CERKL: variants seen among roughly 807,000 people sequenced by gnomAD.
CERKL encodes the protein ceramide kinase-like protein.
CERKL carries 61 observed loss-of-function variants against 63.4 expected under a neutral mutation model. That is an observed-to-expected ratio of 0.96 (90% CI 0.78 to 1.19). CERKL has a LOEUF of 1.19. Ranked by LOEUF, CERKL falls within the 50% of genes most tolerant of loss-of-function variation. The probability of loss-of-function intolerance (pLI) is 0.00; values close to 1 mark genes in which losing one functional copy is unlikely to be tolerated. For missense variants in CERKL, 675 were observed against 655.5 expected (o/e 1.03, Z -0.33); for synonymous variants, 250 against 230.5 (o/e 1.08, Z -0.77).
At chr2:181,634,102 C>T (rs1161385056) in intron 1 of CERKL, among the ~76,000 whole-genome samples, 1 of 152,060 alleles carries the variant, frequency 6.6e-6, no homozygotes, top group East Asian at 1.9e-4. Context: ...AAAATAACAT[C>T]CATAGACAGC....
At chr2:181,587,048 A>T (rs978303106) in intron 2 of CERKL, among the ~76,000 whole-genome samples, 16 of 152,196 alleles carry the variant, frequency 1.1e-4, no homozygotes, top group African/African-American at 2.9e-4. Context: ...TTAATGTGTA[A>T]CAGTGATGGT....
chr2:181,572,126 C>G (rs373878510), intron 3 of CERKL, among the ~76,000 whole-genome samples: 3 of 152,080 alleles, frequency 2.0e-5, no homozygotes, highest in Admixed American at 6.6e-5. Context: ...CTCCGCCCCC[C>G]CTCCCAACTT....
chr2:181,551,034 G>C lies in CERKL; in HGVS notation c.821-1326C>G, dbSNP rs187393549. On this transcript the variant is annotated intron_variant, in intron 5 of 12. Coordinates refer to ENST00000410087, the MANE Select transcript of CERKL (RefSeq NM_201548.5). ...CTCATGAGTTGAGAAACAATGTCTTGTTCCTCAAGAAGACAATAATACCCA... is the reference window on the plus strand; with the variant it reads ...CTCATGAGTTGAGAAACAATGTCTTCTTCCTCAAGAAGACAATAATACCCA... Among the ~76,000 whole-genome samples, 6 of 152,176 alleles carry C rather than the reference G, an allele frequency of 3.9e-5. No individual in the cohort carries two copies. In the East Asian group the frequency reaches 9.6e-4, roughly 24 times the overall value.
At chr2:181,577,946 A>G (rs1293784510) in intron 2 of CERKL, among the ~76,000 whole-genome samples, 1 of 152,134 alleles carries the variant, frequency 6.6e-6, no homozygotes, top group Non-Finnish European at 1.5e-5. Context: ...CTGGAATCTG[A>G]ACCTACATCT....
chr2:181,589,658 A>G (rs933717267), intron 2 of CERKL, among the ~76,000 whole-genome samples: 7 of 152,206 alleles, frequency 4.6e-5, no homozygotes, highest in African/African-American at 1.7e-4. Flanking sequence ...TACCATACAA[A>G]AAATAAACTC....
rs1688194521 is a variant in CERKL, at chr2:181,656,890, C to T, written c.117G>A (p.Thr39=). ...PPALLTSPQQ[T]EAAAERILLR... ...GCAGAATCCGCTCGGCCGCCGCCTCCGTCTGCTGCGGGGACGTTAACAGCG... is the reference window on the plus strand; with the variant it reads ...GCAGAATCCGCTCGGCCGCCGCCTCTGTCTGCTGCGGGGACGTTAACAGCG... Residue 39 remains threonine (T), a synonymous_variant, in exon 1 of 13, where the codon ACG becomes ACA. Transcript: ENST00000410087. 5 of 1,605,360 alleles carry T rather than the reference C, an allele frequency of 3.1e-6. No homozygotes were observed. Among genetic ancestry groups the T allele is most frequent in the Non-Finnish European group, 4.3e-6 (5 of 1,175,176 alleles).
intron 2 of CERKL, among the ~76,000 whole-genome samples, chr2:181,578,221 TAC>T (rs935590203): frequency 2.6e-5 from 4 of 151,472 alleles, no homozygotes; most frequent in African/African-American, 4.9e-5. Flanking sequence ...CACATATATA[TAC>T]ACACACACAT....
At chr2:181,603,694 C>A in intron 2 of CERKL, 143 bp downstream of exon 2, 1 of 866,510 alleles carries the variant, frequency 1.2e-6, no homozygotes, top group Non-Finnish European at 2.0e-6. Context: ...TAGCAAATTT[C>A]AACACTTTCT....
In CERKL at chr2:181,537,720, G is replaced by T; in HGVS notation, c.*464C>A. 2.3e-6 allele frequency: 1 copy of T among 426,918 alleles called. No individual in the cohort carries two copies. Among genetic ancestry groups the T allele is most frequent in the Admixed American group, 2.6e-5 (1 of 37,990 alleles). 26.4% of individuals were successfully genotyped at this position (426,918 alleles called of 1,614,324 possible). A position where few individuals can be genotyped will look rare whatever the true frequency, so the allele number is the denominator to read the frequency against. On this transcript the variant is annotated 3_prime_UTR_variant, in exon 13 of 13. Transcript: ENST00000410087. ...TATGATGGTTGCAAAGTTTTTTTGT[G>T]TGTCCAATAAACACATTGTAAAAAA...
chr2:181,578,952 G>T, intron 2 of CERKL, among the ~76,000 whole-genome samples: 1 of 151,908 alleles, frequency 6.6e-6, no homozygotes, highest in East Asian at 1.9e-4. Context: ...CAAAGAGTAC[G>T]TACTCTTAAG....
intron 2 of CERKL, among the ~76,000 whole-genome samples, chr2:181,584,282 T>C (rs184758717): frequency 6.6e-6 from 1 of 151,538 alleles, no homozygotes; most frequent in East Asian, 1.9e-4. Flanking sequence ...GAGGCTGAGG[T>C]AGGAGGAATG....
intron 1 of CERKL, among the ~76,000 whole-genome samples, chr2:181,628,145 T>C (rs1376037956): frequency 6.6e-6 from 1 of 152,186 alleles, no homozygotes; most frequent in African/African-American, 2.4e-5. Flanking sequence ...ATTTAGACCA[T>C]GACCACTGAC....
At chr2:181,562,246 C>T (rs1284953752) in intron 4 of CERKL, among the ~76,000 whole-genome samples, 1 of 152,178 alleles carries the variant, frequency 6.6e-6, no homozygotes, top group East Asian at 1.9e-4. Context: ...CTCCCCTTCC[C>T]ACCAGCTCCA....
At chr2:181,646,957 C>T (rs1460111252) in intron 1 of CERKL, among the ~76,000 whole-genome samples, 1 of 152,038 alleles carries the variant, frequency 6.6e-6, no homozygotes, top group Non-Finnish European at 1.5e-5. Context: ...AAATAAAAAG[C>T]AAGGTAGCAG....
Position 181,537,060 on chromosome 2 carries a change from A to ACAAAACCTCCTGAAC in CERKL, c.*1109_*1123dup, listed in dbSNP as rs1304942504. The ACAAAACCTCCTGAAC allele has an allele frequency of 2.2e-6, 1 of 444,984 alleles. No homozygotes were observed. The highest frequency in any genetic ancestry group is 7.0e-5 in the East Asian group (1 of 14,340). The allele number at this position is 444,984 out of a possible 1,614,324, so 27.6% of individuals were successfully genotyped here. On this transcript the variant is annotated 3_prime_UTR_variant, in exon 13 of 13. Coordinates refer to ENST00000410087, the MANE Select transcript of CERKL (RefSeq NM_201548.5). ...GGCATTTGAGTAGTGAAATGTAAGC[A>ACAAAACCTCCTGAAC]CAAAACCTCCTGAACCCAGAGTGTG... is the stretch of plus-strand genomic sequence containing the variant.
chr2:181,607,521 T>C (rs1195400870), intron 1 of CERKL, among the ~76,000 whole-genome samples: 2 of 152,190 alleles, frequency 1.3e-5, no homozygotes, highest in Non-Finnish European at 1.5e-5. Flanking sequence ...GAAGTCCTGG[T>C]TCCCTTAAGG....
chr2:181,644,703 G>T (rs542400473), intron 1 of CERKL, among the ~76,000 whole-genome samples: 1 of 152,062 alleles, frequency 6.6e-6, no homozygotes, highest in African/African-American at 2.4e-5. Context: ...TATAATGGGG[G>T]AAAAAAACAA....
At position 181,552,570 on chromosome 2, in the gene CERKL, TA is replaced by T. The variant is rs573859118; in HGVS notation, c.821-2863del. ...AAGTCAATTAAACCTCTTTCCTTTA[TA>T]AATTACCCAGTCTTGGGTATTTCCT... On this transcript the variant is annotated intron_variant, in intron 5 of 12. Transcript: ENST00000410087. Among the ~76,000 whole-genome samples, 11 of 152,318 alleles carry T rather than the reference TA, an allele frequency of 7.2e-5. No homozygotes were observed. The South Asian group carries it at 2.3e-3, about 32-fold the overall frequency.
intron 1 of CERKL, among the ~76,000 whole-genome samples, chr2:181,654,428 T>A (rs1473686116): frequency 1.3e-5 from 2 of 152,184 alleles, no homozygotes; most frequent in African/African-American, 4.8e-5. Flanking sequence ...GATGGAAAAT[T>A]AGAAAAAGAT....
Sources: gnomAD v4.1 joint callset for allele counts (sites outside exome capture counted in the v4.1 genomes callset) on GRCh38, gnomAD v4.1.1 for gene constraint, MANE v1.5 for transcripts, NCBI Gene and HGNC (gene_info 2026-07-23, HGNC 2026-07-21) for gene names.